The following IL17F variants were observed in gnomAD, a reference collection of about 807,000 sequenced individuals.
IL17F encodes interleukin-17F.
A neutral mutation model predicts 8.3 loss-of-function variants in IL17F; 6 were observed. The ratio of observed to expected loss-of-function variants is 0.73; its 90% CI spans 0.40 to 1.43. The LOEUF is 1.43. IL17F is among the 40% of genes most tolerant of loss of function. The pLI is 0.02. For synonymous variants in IL17F, 98 were observed against 81.6 expected, an observed-to-expected ratio of 1.20 and a Z score of -1.08; for missense variants, 204 against 209.6, an observed-to-expected ratio of 0.97 and a Z score of 0.17.
At position 52,244,381 on chromosome 6, in the gene IL17F, G is replaced by A; in HGVS notation, c.33+16C>T. Reference sequence around the variant, plus strand: ...GGCATGACAGTCCTTAAACCAGAATGATTGCTGCTACTCACCATGGCTGGG... The same window carrying A: ...GGCATGACAGTCCTTAAACCAGAATAATTGCTGCTACTCACCATGGCTGGG... On this transcript the variant is annotated intron_variant, in intron 1 of 2. Coordinates refer to ENST00000336123, the MANE Select transcript of IL17F (RefSeq NM_052872.4). The A allele has an allele frequency of 6.2e-7, 1 of 1,612,926 alleles. No individual in the cohort carries two copies. The highest frequency in any genetic ancestry group is 2.2e-5 in the East Asian group (1 of 44,874).
At chr6:52,242,081 G>A (rs544211285) in intron 1 of IL17F, among the ~76,000 whole-genome samples, 1 of 152,316 alleles carries the variant, frequency 6.6e-6, no homozygotes, top group South Asian at 2.1e-4. Flanking sequence ...CTCTGAACCA[G>A]GCTGTTGCTG....
upstream of IL17F, among the ~76,000 whole-genome samples, chr6:52,245,234 ATCCAAT>A (rs1764141982): frequency 6.6e-6 from 1 of 152,180 alleles, no homozygotes; most frequent in South Asian, 2.1e-4. Flanking sequence ...GCATCTTCTA[ATCCAAT>A]TCAATTCTGA....
At chr6:52,244,271 A>C in intron 1 of IL17F, 126 bp downstream of exon 1, 1 of 928,732 alleles carries the variant, frequency 1.1e-6, no homozygotes, top group Non-Finnish European at 1.8e-6. Context: ...AGTCAAAATT[A>C]AAGTCATCTC....
intron 1 of IL17F, 117 bp from the exon 2 acceptor site, chr6:52,239,067 G>C (rs758571379): frequency 2.8e-4 from 250 of 886,164 alleles, no homozygotes; most frequent in Non-Finnish European, 4.1e-4. Context: ...GCTTCTCTTT[G>C]CACCTCAGTT....
At position 52,244,361 on chromosome 6, in the gene IL17F, G is replaced by A. The variant is rs564624324; in HGVS notation, c.33+36C>T. 3.7e-6 allele frequency: 6 copies of A among 1,604,112 alleles called. No homozygotes were observed. The Admixed American group carries it at 5.0e-5, about 13-fold the overall frequency. ...TTCTGTTTTCTGAAATCCTAGGCATGACAGTCCTTAAACCAGAATGATTGC... is the reference window on the plus strand; with the variant it reads ...TTCTGTTTTCTGAAATCCTAGGCATAACAGTCCTTAAACCAGAATGATTGC... On this transcript the variant is annotated intron_variant, in intron 1 of 2. Coordinates refer to ENST00000336123, the MANE Select transcript of IL17F (RefSeq NM_052872.4).
chr6:52,242,853 G>C (rs1764097032), intron 1 of IL17F, among the ~76,000 whole-genome samples: 1 of 150,274 alleles, frequency 6.7e-6, no homozygotes, highest in South Asian at 2.1e-4. Flanking sequence ...TTGTTTATTA[G>C]AATGGCCAAA....
At chr6:52,239,000 A>T (rs191241868) in intron 1 of IL17F, 50 bp from the exon 2 acceptor site, 3 of 1,491,374 alleles carry the variant, frequency 2.0e-6, no homozygotes, top group Non-Finnish European at 2.8e-6. Context: ...CTCACCTACT[A>T]GCAAGAGATG....
chr6:52,240,344 G>A (rs1764051192), intron 1 of IL17F, among the ~76,000 whole-genome samples: 1 of 151,380 alleles, frequency 6.6e-6, no homozygotes, highest in Admixed American at 6.6e-5. Context: ...GGCTGAGGCA[G>A]GAGAATCCTT....
upstream of IL17F, among the ~76,000 whole-genome samples, chr6:52,245,293 G>T (rs1306085354): frequency 6.6e-6 from 1 of 152,132 alleles, no homozygotes; most frequent in Non-Finnish European, 1.5e-5. Flanking sequence ...CAGGCTGAAG[G>T]CTCAGTCCCA....
intron 1 of IL17F, 101 bp from the exon 2 acceptor site, chr6:52,239,051 A>G: frequency 9.6e-7 from 1 of 1,040,100 alleles, no homozygotes. Context: ...CTTTTATGGG[A>G]TCAGGGCTTC....
At chr6:52,240,845 C>G (rs577047695) in intron 1 of IL17F, among the ~76,000 whole-genome samples, 3 of 150,760 alleles carry the variant, frequency 2.0e-5, no homozygotes, top group African/African-American at 4.9e-5. Flanking sequence ...GGGTCTGTAA[C>G]TCAATTCCAG....
Position 52,236,739 on chromosome 6 carries a change from C to T in IL17F, c.*192G>A, listed in dbSNP as rs1582259244. ...CTGAATATATTAATTTTTCTCCTAA[C>T]ATTTTAGATATCAAATATAAAGTGT... On this transcript the variant is annotated 3_prime_UTR_variant, in exon 3 of 3. Coordinates refer to ENST00000336123, the MANE Select transcript of IL17F (RefSeq NM_052872.4). The T allele has an allele frequency of 5.0e-6, 3 of 601,990 alleles. No homozygotes were observed. In the South Asian group the frequency reaches 5.8e-5, roughly 12 times the overall value. The allele number at this position is 601,990 out of a possible 1,614,324, so 37.3% of individuals were successfully genotyped here.
In IL17F at chr6:52,236,820, T is replaced by C; in HGVS notation, c.*111A>G. The C allele has an allele frequency of 1.2e-6, 1 of 841,206 alleles. No individual in the cohort carries two copies. The highest frequency in any genetic ancestry group is 2.1e-6 in the Non-Finnish European group (1 of 477,620). 52.1% of individuals were successfully genotyped at this position (841,206 alleles called of 1,614,324 possible). On this transcript the variant is annotated 3_prime_UTR_variant, in exon 3 of 3. Coordinates refer to ENST00000336123, the MANE Select transcript of IL17F (RefSeq NM_052872.4). The stretch of plus-strand genomic sequence containing the variant: ...TCTGTTTCCATCCGTGCAGGTCTTA[T>C]TAAGAGTCCTGTGAAGTGGAGGGAA...
intron 1 of IL17F, 176 bp from the exon 2 acceptor site, chr6:52,239,126 A>C (rs1764023930): frequency 3.1e-6 from 2 of 642,480 alleles, no homozygotes; most frequent in Non-Finnish European, 2.8e-6. Flanking sequence ...CAAGGTGCCA[A>C]ACTGAGAACT....
At chr6:52,245,331 T>A (rs1764143248), upstream of IL17F, among the ~76,000 whole-genome samples, 1 of 152,212 alleles carries the variant, frequency 6.6e-6, no homozygotes, top group Admixed American at 6.5e-5. Context: ...TAAGCACCAA[T>A]CACAGGTCCA....
intron 1 of IL17F, among the ~76,000 whole-genome samples, chr6:52,239,714 C>T (rs1182118755): frequency 1.3e-5 from 2 of 152,140 alleles, no homozygotes; most frequent in Admixed American, 1.3e-4. Context: ...TACACATTTT[C>T]CATAAACACT....
chr6:52,236,777 CAT>C lies in IL17F; in HGVS notation c.*152_*153del. 1 of 741,336 alleles carries C rather than the reference CAT, an allele frequency of 1.3e-6. No individual in the cohort carries two copies. Among genetic ancestry groups the C allele is most frequent in the Admixed American group, 1.8e-5 (1 of 55,926 alleles). The allele number at this position is 741,336 out of a possible 1,614,324, so 45.9% of individuals were successfully genotyped here. A position where few individuals can be genotyped will look rare whatever the true frequency, so the allele number is the denominator to read the frequency against. On this transcript the variant is annotated 3_prime_UTR_variant, in exon 3 of 3. Coordinates refer to ENST00000336123, the MANE Select transcript of IL17F (RefSeq NM_052872.4). Reference sequence around the variant, plus strand: ...AAATATAAAGTGTAGTACATACACACATACATTGTGAATATTTTCTGTTTCCA... The same window carrying C: ...AAATATAAAGTGTAGTACATACACACACATTGTGAATATTTTCTGTTTCCA...
At chr6:52,244,628 T>C, upstream of IL17F, 1 of 605,756 alleles carries the variant, frequency 1.7e-6, no homozygotes, top group Non-Finnish European at 2.9e-6. Context: ...TTTTATTCCA[T>C]TTCCCGAAGG....
chr6:52,239,000 A>G lies in IL17F; in HGVS notation c.34-50T>C, dbSNP rs191241868. 1.6e-5 allele frequency: 24 copies of G among 1,491,374 alleles called. No individual in the cohort carries two copies. In the East Asian group the frequency reaches 5.4e-4, roughly 34 times the overall value. The allele number at this position is 1,491,374 out of a possible 1,614,324, so 92.4% of individuals were successfully genotyped here. On this transcript the variant is annotated intron_variant, in intron 1 of 2. Coordinates refer to ENST00000336123, the MANE Select transcript of IL17F (RefSeq NM_052872.4). ...CAGTTAGAGACTCGCCTCACCTACT[A>G]GCAAGAGATGCATGGTCTGGCGGAA...
Sources: gnomAD v4.1 joint callset for allele counts (sites outside exome capture counted in the v4.1 genomes callset) on GRCh38, gnomAD v4.1.1 for gene constraint, MANE v1.5 for transcripts, NCBI Gene and HGNC (gene_info 2026-07-23, HGNC 2026-07-21) for gene names.